STK32C: variants seen among roughly 807,000 people sequenced by gnomAD.
STK32C encodes the protein serine/threonine-protein kinase 32C.
Under a neutral mutation model 56.5 loss-of-function variants are expected in STK32C, and 31 were observed. That is an observed-to-expected ratio of 0.55 (90% CI 0.41 to 0.74). The LOEUF is 0.74. Ranked by LOEUF, STK32C falls within the 30% of genes least tolerant of loss-of-function variation. The probability of loss-of-function intolerance (pLI) is 0.00; values close to 1 mark genes in which losing one functional copy is unlikely to be tolerated. For missense variants in STK32C, 544 were observed against 676.9 expected (o/e 0.80, Z 2.18); for synonymous variants, 309 against 289.4 (o/e 1.07, Z -0.69).
intron 1 of STK32C, among the ~76,000 whole-genome samples, chr10:132,318,101 C>T (rs1270117275): frequency 6.6e-6 from 1 of 151,350 alleles, no homozygotes; most frequent in Non-Finnish European, 1.5e-5. Context: ...AACCTGGTCT[C>T]TACTTAAAAT....
At chr10:132,297,501 A>G (rs2065788041) in intron 1 of STK32C, among the ~76,000 whole-genome samples, 1 of 152,230 alleles carries the variant, frequency 6.6e-6, no homozygotes, top group Admixed American at 6.5e-5. Flanking sequence ...TGCTTTCTTC[A>G]GAACAGATTT....
chr10:132,280,702 A>ATCATGC (rs1564773114), intron 1 of STK32C, among the ~76,000 whole-genome samples: 10 of 144,086 alleles, frequency 6.9e-5, no homozygotes, highest in East Asian at 2.2e-4. Flanking sequence ...CGTGATCATG[A>ATCATGC]ACCTCCACTC....
At chr10:132,226,343 TC>T (rs1017153260) in intron 4 of STK32C, among the ~76,000 whole-genome samples, 2 of 152,212 alleles carry the variant, frequency 1.3e-5, no homozygotes, top group African/African-American at 4.8e-5. Flanking sequence ...ATAATCTGCT[TC>T]CTATTTTCTT....
At chr10:132,289,465 T>C (rs1349604578) in intron 1 of STK32C, among the ~76,000 whole-genome samples, 1 of 152,148 alleles carries the variant, frequency 6.6e-6, no homozygotes, top group Non-Finnish European at 1.5e-5. Flanking sequence ...AACACACACA[T>C]AAATGGGCTA....
At chr10:132,265,838 G>A (rs2064504035) in intron 1 of STK32C, among the ~76,000 whole-genome samples, 1 of 152,212 alleles carries the variant, frequency 6.6e-6, no homozygotes, top group African/African-American at 2.4e-5. Flanking sequence ...CGGACAGCCA[G>A]GGAGAGGGAC....
At chr10:132,291,683 T>G (rs765854201) in intron 1 of STK32C, among the ~76,000 whole-genome samples, 4 of 152,092 alleles carry the variant, frequency 2.6e-5, no homozygotes, top group Non-Finnish European at 4.4e-5. Flanking sequence ...ATGCCAGGCT[T>G]CAAGCAGAGC....
chr10:132,209,841 G>A (rs1007225544), intron 10 of STK32C, among the ~76,000 whole-genome samples: 16 of 152,288 alleles, frequency 1.1e-4, no homozygotes, highest in Middle Eastern at 3.4e-3. Context: ...GCAGGGAGTC[G>A]CAGGCCTCGG....
At chr10:132,315,398 T>C (rs1475129315) in intron 1 of STK32C, among the ~76,000 whole-genome samples, 3 of 152,290 alleles carry the variant, frequency 2.0e-5, no homozygotes, top group African/African-American at 4.8e-5. Context: ...GATGGGTTGA[T>C]AGGTGCAGCA....
chr10:132,331,877 G>T, upstream of STK32C: 1 of 1,216,536 alleles, frequency 8.2e-7, no homozygotes, highest in Non-Finnish European at 1.1e-6. Context: ...GCGTGCGCAG[G>T]CGCACCACCC....
chr10:132,223,517 G>A (rs932983103), intron 8 of STK32C, among the ~76,000 whole-genome samples: 13 of 152,242 alleles, frequency 8.5e-5, no homozygotes, highest in African/African-American at 2.4e-5. Context: ...GGGCTTGGGC[G>A]TGTGGGTCAT....
intron 2 of STK32C, among the ~76,000 whole-genome samples, chr10:132,228,999 C>T (rs1042343394): frequency 1.3e-5 from 2 of 152,218 alleles, no homozygotes; most frequent in African/African-American, 2.4e-5. Context: ...CGCAAACACA[C>T]GGCTAATTGC....
upstream of STK32C, chr10:132,331,949 G>C (rs1159127026): frequency 1.7e-4 from 78 of 447,920 alleles, 1 homozygote; most frequent in African/African-American, 2.8e-3. Flanking sequence ...CCCCGCCCCA[G>C]CGCAGGCGCA....
chr10:132,218,041 G>C (rs2137623436), intron 10 of STK32C, among the ~76,000 whole-genome samples: 1 of 152,258 alleles, frequency 6.6e-6, no homozygotes, highest in African/African-American at 2.4e-5. Context: ...CACCAATTAG[G>C]TCAGGCACAG....
chr10:132,235,125 C>CGTGTGAGTG (rs200251283), intron 2 of STK32C, among the ~76,000 whole-genome samples: 1 of 151,728 alleles, frequency 6.6e-6, no homozygotes, highest in African/African-American at 2.4e-5. Context: ...TGGTATGAAC[C>CGTGTGAGTG]GTGTGAGTGG....
intron 1 of STK32C, among the ~76,000 whole-genome samples, chr10:132,249,900 T>C (rs1007241435): frequency 1.3e-5 from 2 of 152,186 alleles, no homozygotes; most frequent in Non-Finnish European, 2.9e-5. Context: ...CTCAGCCCCA[T>C]TCCTGGCTCC....
intron 1 of STK32C, among the ~76,000 whole-genome samples, chr10:132,276,635 T>C (rs576583947): frequency 6.6e-6 from 1 of 152,136 alleles, no homozygotes; most frequent in Admixed American, 6.5e-5. Flanking sequence ...AAAAAGTTTT[T>C]AATTAGCTGG....
At chr10:132,325,724 CTTTT>C (rs541031233) in intron 1 of STK32C, among the ~76,000 whole-genome samples, 20 of 139,290 alleles carry the variant, frequency 1.4e-4, no homozygotes, top group Non-Finnish European at 2.3e-4. Context: ...TTTGGTATGT[CTTTT>C]TTTTTTTTTT....
chr10:132,216,467 CAAAAAAAAAAAAAAAGAGAG>C (rs2062475121), intron 10 of STK32C, among the ~76,000 whole-genome samples: 1 of 121,418 alleles, frequency 8.2e-6, no homozygotes, highest in Non-Finnish European at 1.6e-5. Context: ...AAGACTGTCT[CAAAAAAAAAAAAAAAGAGAG>C]AAAAAAAAGA....
intron 1 of STK32C, among the ~76,000 whole-genome samples, chr10:132,325,852 G>C (rs999758615): frequency 5.9e-5 from 9 of 151,648 alleles, no homozygotes. Flanking sequence ...CTCCAGAGTA[G>C]CTGGGACTAT....
Sources: allele counts gnomAD v4.1 joint callset (sites outside exome capture counted in the v4.1 genomes callset), GRCh38; gene constraint gnomAD v4.1.1; transcripts MANE v1.5; gene names NCBI Gene and HGNC (gene_info 2026-07-23, HGNC 2026-07-21).